QTMAN: variants seen among roughly 807,000 people sequenced by gnomAD.
QTMAN encodes the protein tRNA-queuosine alpha-mannosyltransferase.
the QTMAN span, among the ~76,000 whole-genome samples, chr2:144,258,006 C>T: frequency 2.6e-5 from 4 of 151,508 alleles, no homozygotes; most frequent in East Asian, 1.9e-4. Flanking sequence ...AGATGAAAAG[C>T]GAGTTGGCAG....
At chr2:143,968,059 C>G in the QTMAN span, among the ~76,000 whole-genome samples, 1 of 152,176 alleles carries the variant, frequency 6.6e-6, no homozygotes, top group Admixed American at 6.5e-5. Flanking sequence ...TAGAGACCAG[C>G]AAAGCGGCCT....
At chr2:144,114,934 A>G in the QTMAN span, among the ~76,000 whole-genome samples, 2 of 152,160 alleles carry the variant, frequency 1.3e-5, no homozygotes, top group Non-Finnish European at 2.9e-5. Context: ...AGTTTTAAAA[A>G]TCTGAAAATT....
At chr2:144,133,718 T>C in the QTMAN span, among the ~76,000 whole-genome samples, 1 of 149,386 alleles carries the variant, frequency 6.7e-6, no homozygotes, top group Non-Finnish European at 1.5e-5. Flanking sequence ...CAGTGAGTAG[T>C]GTTATACATT....
chr2:144,263,299 T>C, the QTMAN span, among the ~76,000 whole-genome samples: 1 of 152,140 alleles, frequency 6.6e-6, no homozygotes, highest in South Asian at 2.1e-4. Flanking sequence ...TTTTGGATAC[T>C]GTACACTGAT....
chr2:144,188,214 A>C, the QTMAN span, among the ~76,000 whole-genome samples: 2 of 152,246 alleles, frequency 1.3e-5, no homozygotes, highest in Non-Finnish European at 2.9e-5. Context: ...CAAATAAAAA[A>C]ATTATTAGAA....
chr2:143,984,486 G>T, the QTMAN span, among the ~76,000 whole-genome samples: 1 of 152,184 alleles, frequency 6.6e-6, no homozygotes, highest in Non-Finnish European at 1.5e-5. Flanking sequence ...GGTTGCTGGT[G>T]CTAAGAGTTT....
chr2:144,072,038 T>C, the QTMAN span, among the ~76,000 whole-genome samples: 1 of 152,162 alleles, frequency 6.6e-6, no homozygotes, highest in Non-Finnish European at 1.5e-5. Flanking sequence ...CTACTAAATC[T>C]ACAATTTTCT....
At chr2:144,284,488 C>A in the QTMAN span, among the ~76,000 whole-genome samples, 5 of 151,748 alleles carry the variant, frequency 3.3e-5, no homozygotes, top group Admixed American at 3.3e-4. Flanking sequence ...TTAAAAAAAA[C>A]TGAAAGGAAA....
chr2:144,040,980 A>G, the QTMAN span, among the ~76,000 whole-genome samples: 1 of 152,160 alleles, frequency 6.6e-6, no homozygotes, highest in Non-Finnish European at 1.5e-5. Flanking sequence ...ATTTTAGTAT[A>G]TTTTTGGATT....
the QTMAN span, among the ~76,000 whole-genome samples, chr2:144,306,603 G>A: frequency 2.6e-5 from 4 of 151,980 alleles, no homozygotes; most frequent in Non-Finnish European, 5.9e-5. Context: ...ACCATTGTGA[G>A]TTAGCACGTC....
chr2:144,282,790 A>C, the QTMAN span, among the ~76,000 whole-genome samples: 1 of 152,142 alleles, frequency 6.6e-6, no homozygotes, highest in African/African-American at 2.4e-5. Flanking sequence ...AGAAAGACCA[A>C]GCCGTGATTA....
the QTMAN span, among the ~76,000 whole-genome samples, chr2:144,155,039 G>A: frequency 6.6e-6 from 1 of 152,114 alleles, no homozygotes; most frequent in Non-Finnish European, 1.5e-5. Context: ...AAAACAAGCT[G>A]GGAAGCATCC....
the QTMAN span, among the ~76,000 whole-genome samples, chr2:144,326,145 T>G: frequency 6.6e-6 from 1 of 152,200 alleles, no homozygotes; most frequent in East Asian, 1.9e-4. Flanking sequence ...TTGTAAGAAA[T>G]ATATACATAT....
chr2:144,203,150 AGTGTGTGTGTGTGT>A, the QTMAN span, among the ~76,000 whole-genome samples: 541 of 145,644 alleles, frequency 3.7e-3, 5 homozygotes, highest in African/African-American at 0.01. Context: ...TACAATGAAG[AGTGTGTGTGTGTGT>A]GTGTGTGTGT....
chr2:143,983,107 A>C, the QTMAN span, among the ~76,000 whole-genome samples: 1 of 152,180 alleles, frequency 6.6e-6, no homozygotes, highest in Non-Finnish European at 1.5e-5. Flanking sequence ...TAGTTGAAAG[A>C]GGGTTCAAAT....
the QTMAN span, among the ~76,000 whole-genome samples, chr2:144,062,046 G>A: frequency 6.6e-6 from 1 of 152,164 alleles, no homozygotes; most frequent in Non-Finnish European, 1.5e-5. Flanking sequence ...CATGTGACCT[G>A]ATTCTTCCTG....
At chr2:143,985,480 C>G in the QTMAN span, among the ~76,000 whole-genome samples, 1 of 152,196 alleles carries the variant, frequency 6.6e-6, no homozygotes, top group African/African-American at 2.4e-5. Context: ...TTTCTTTTGA[C>G]TATGCAGTTC....
the QTMAN span, among the ~76,000 whole-genome samples, chr2:144,012,721 G>A: frequency 6.6e-6 from 1 of 152,132 alleles, no homozygotes; most frequent in South Asian, 2.1e-4. Flanking sequence ...AAGTCCATAT[G>A]ACAGAGATTA....
At chr2:144,308,519 T>C in the QTMAN span, among the ~76,000 whole-genome samples, 74 of 151,968 alleles carry the variant, frequency 4.9e-4, no homozygotes, top group Middle Eastern at 3.4e-3. Flanking sequence ...AAAGAACAGG[T>C]GGATATAGAA....
Sources: gnomAD v4.1 joint callset for allele counts (sites outside exome capture counted in the v4.1 genomes callset) on GRCh38, gnomAD v4.1.1 for gene constraint, MANE v1.5 for transcripts, NCBI Gene and HGNC (gene_info 2026-07-23, HGNC 2026-07-21) for gene names.